Variants in FARP1 observed in about 807,000 individuals in gnomAD.
The protein encoded by FARP1 is FERM, ARH/RhoGEF and pleckstrin domain protein 1.
Under a neutral mutation model 128.8 loss-of-function variants are expected in FARP1, and 52 were observed. That is an observed-to-expected ratio of 0.40 (90% confidence interval 0.32 to 0.51). FARP1 has a LOEUF of 0.51. Ranked by LOEUF, FARP1 falls within the 20% of genes least tolerant of loss-of-function variation. The pLI, the probability that FARP1 is intolerant of heterozygous loss-of-function variation, is 0.45. For missense variants in FARP1, 1,333 were observed against 1,367.9 expected (o/e 0.97, Z 0.40); for synonymous variants, 580 against 551.8 (o/e 1.05, Z -0.72).
chr13:98,292,358 AC>A (rs1331450305), intron 2 of FARP1, among the ~76,000 whole-genome samples: 1 of 152,228 alleles, frequency 6.6e-6, no homozygotes, highest in African/African-American at 2.4e-5. Context: ...GCTGTAAGTT[AC>A]AGTAGATGCC....
chr13:98,332,833 T>G (rs1032191354), intron 2 of FARP1: 1 of 152,224 alleles, frequency 6.6e-6, no homozygotes, highest in African/African-American at 2.4e-5. Flanking sequence ...CTGCATATGA[T>G]GGAAGATGAC....
intron 2 of FARP1, among the ~76,000 whole-genome samples, chr13:98,236,836 A>T (rs1882448685): frequency 6.6e-6 from 1 of 150,550 alleles, no homozygotes; most frequent in South Asian, 2.1e-4. Context: ...AAAAATACAA[A>T]AATAAATTCG....
chr13:98,316,784 T>C (rs976685827), intron 2 of FARP1, among the ~76,000 whole-genome samples: 2 of 152,220 alleles, frequency 1.3e-5, no homozygotes, highest in African/African-American at 2.4e-5. Context: ...CAGCCACCGC[T>C]GTGATGGAAC....
chr13:98,395,320 G>C lies in FARP1; in HGVS notation c.1258G>C (p.Gly420Arg), dbSNP rs541677119. 2 of 1,610,342 alleles carry C rather than the reference G, an allele frequency of 1.2e-6. No homozygotes were observed. The highest frequency in any genetic ancestry group is 1.1e-5 in the South Asian group (1 of 91,018). The change falls in exon 13 of 27, where the codon GGG (glycine) becomes CGG (arginine). Residue 420 changes from glycine to arginine, a missense_variant. Transcript: ENST00000319562. ...AGGAAAGGAACCGAAGGTTTCCGCC[G>C]GGGAGCCGGGGTCGCACCCGAGCCC... ...RRGKEPKVSA[G>R]EPGSHPSPAP...
intron 15 of FARP1, 88 bp from the exon 16 acceptor site, chr13:98,411,813 C>G (rs1891203094): frequency 7.0e-7 from 1 of 1,421,816 alleles, no homozygotes; most frequent in East Asian, 2.3e-5. Context: ...CCTCCCAGTG[C>G]ATTTGGCTGC....
At chr13:98,157,915 C>A (rs187407421) in intron 1 of FARP1, among the ~76,000 whole-genome samples, 175 of 152,272 alleles carry the variant, frequency 1.1e-3, no homozygotes, top group African/African-American at 4.0e-3. Flanking sequence ...ATGTAGCCTC[C>A]CTTGGCCTTC....
intron 13 of FARP1, chr13:98,397,910 A>AG (rs1433212505): frequency 9.6e-6 from 1 of 104,016 alleles, no homozygotes; most frequent in African/African-American, 3.3e-5. Flanking sequence ...GAAAAAAAAA[A>AG]AAAAAAAAAG....
chr13:98,325,393 C>T (rs892453768), intron 2 of FARP1, among the ~76,000 whole-genome samples: 6 of 152,198 alleles, frequency 3.9e-5, no homozygotes, highest in South Asian at 4.1e-4. Flanking sequence ...ATCATCTGTA[C>T]GACACTGCTG....
rs201240555 is a variant in FARP1 at position 98,224,309 on chromosome 13, C to T, written c.171+10896C>T. On this transcript the variant is annotated intron_variant, in intron 2 of 26. Coordinates refer to ENST00000319562, the MANE Select transcript of FARP1 (RefSeq NM_005766.4). ...TTGGGAGGCCGAGGCAGGTGGATCA[C>T]GAGGTCAGGAGATCAAGACCATCCT... is the stretch of plus-strand genomic sequence containing the variant. 1.6e-3 allele frequency among the ~76,000 whole-genome samples: 242 copies of T among 151,942 alleles called. 1 individual carries two copies. The highest frequency in any genetic ancestry group is 0.013 in the East Asian group (69 of 5,134).
intron 1 of FARP1, among the ~76,000 whole-genome samples, chr13:98,153,415 T>TATGTAACACATTATATATA (rs1566670437): frequency 2.2e-4 from 8 of 36,274 alleles, no homozygotes; most frequent in East Asian, 4.9e-3. Flanking sequence ...TAAATATGTA[T>TATGTAACACATTATATATA]AATATGTAAC....
At chr13:98,222,491 C>T (rs1445144452) in intron 2 of FARP1, among the ~76,000 whole-genome samples, 2 of 152,098 alleles carry the variant, frequency 1.3e-5, no homozygotes, top group Non-Finnish European at 2.9e-5. Flanking sequence ...GCTGGAGTCC[C>T]AGCCCAGGAC....
At chr13:98,173,945 C>T (rs1877822546) in intron 1 of FARP1, among the ~76,000 whole-genome samples, 1 of 152,210 alleles carries the variant, frequency 6.6e-6, no homozygotes, top group Admixed American at 6.5e-5. Flanking sequence ...TGAGGGGTCG[C>T]TCCAGCGTTG....
At chr13:98,386,122 G>T in intron 8 of FARP1, 2 of 193,460 alleles carry the variant, frequency 1.0e-5, no homozygotes, top group Non-Finnish European at 2.1e-5. Context: ...ATGGAATCGA[G>T]ATTTTAGGTC....
At chr13:98,267,647 C>CT (rs1884189130) in intron 2 of FARP1, among the ~76,000 whole-genome samples, 1 of 152,234 alleles carries the variant, frequency 6.6e-6, no homozygotes, top group Non-Finnish European at 1.5e-5. Context: ...GTTCAGAAGC[C>CT]TTCAGGCAAG....
intron 2 of FARP1, among the ~76,000 whole-genome samples, chr13:98,287,206 G>GCCT (rs1885215031): frequency 8.0e-5 from 7 of 87,754 alleles, no homozygotes; most frequent in Admixed American, 1.2e-4. Flanking sequence ...CATCAGACAT[G>GCCT]TCTTTTTTTT....
chr13:98,404,467 T>C (rs369173897), intron 13 of FARP1: 1 of 152,254 alleles, frequency 6.6e-6, no homozygotes, highest in African/African-American at 2.4e-5. Flanking sequence ...CTACGTATTA[T>C]TCAGCATAAT....
At chr13:98,202,761 C>T (rs1880030017) in intron 1 of FARP1, among the ~76,000 whole-genome samples, 1 of 151,594 alleles carries the variant, frequency 6.6e-6, no homozygotes, top group Admixed American at 6.6e-5. Context: ...GCTTTGTTGC[C>T]CGGATTGGAG....
intron 2 of FARP1, among the ~76,000 whole-genome samples, chr13:98,255,243 TA>T (rs1428424814): frequency 6.6e-6 from 1 of 152,188 alleles, no homozygotes; most frequent in Admixed American, 6.5e-5. Context: ...CTCACGCCTG[TA>T]ATCCCAGCAC....
chr13:98,204,969 T>G (rs1880182205), intron 1 of FARP1, among the ~76,000 whole-genome samples: 1 of 152,186 alleles, frequency 6.6e-6, no homozygotes, highest in African/African-American at 2.4e-5. Context: ...GCAAAACAAT[T>G]TGGCTATTAT....
Sources: allele counts gnomAD v4.1 joint callset (sites outside exome capture counted in the v4.1 genomes callset), GRCh38; gene constraint gnomAD v4.1.1; transcripts MANE v1.5; gene names NCBI Gene and HGNC (gene_info 2026-07-23, HGNC 2026-07-21).